SYT9: variants seen among roughly 807,000 people sequenced by gnomAD.
SYT9 encodes the protein synaptotagmin 9, also known as synaptotagmin-9.
In SYT9, 22 loss-of-function variants were observed where a neutral mutation model predicts 48.4. That is an observed-to-expected ratio of 0.45 (90% CI 0.32 to 0.65). The LOEUF (loss-of-function observed/expected upper bound fraction) is 0.65. Among genes scored for constraint, SYT9 ranks in the 30% least tolerant of loss-of-function variants. The pLI, the probability that SYT9 is intolerant of heterozygous loss-of-function variation, is 0.03. For synonymous variants in SYT9, 265 were observed against 245.0 expected, an observed-to-expected ratio of 1.08 and a Z score of -0.76; for missense variants, 577 against 622.0, an observed-to-expected ratio of 0.93 and a Z score of 0.77.
intron 5 of SYT9, among the ~76,000 whole-genome samples, chr11:7,418,845 A>C (rs1241341856): frequency 6.6e-6 from 1 of 152,264 alleles, no homozygotes; most frequent in Non-Finnish European, 1.5e-5. Context: ...ATGTTAAACC[A>C]GTCATTAGAC....
chr11:7,306,790 A>C (rs1849040288), intron 2 of SYT9, among the ~76,000 whole-genome samples: 1 of 152,106 alleles, frequency 6.6e-6, no homozygotes, highest in African/African-American at 2.4e-5. Context: ...CCTTGTTTTC[A>C]TGCCTTCACA....
chr11:7,344,238 C>T (rs1849761556), intron 3 of SYT9, among the ~76,000 whole-genome samples: 1 of 151,966 alleles, frequency 6.6e-6, no homozygotes, highest in African/African-American at 2.4e-5. Context: ...TTCCTAAATC[C>T]CCCATCTTTT....
intron 3 of SYT9, among the ~76,000 whole-genome samples, chr11:7,323,831 G>A (rs1352980589): frequency 6.6e-6 from 1 of 151,774 alleles, no homozygotes; most frequent in Non-Finnish European, 1.5e-5. Context: ...CAGCTATTTG[G>A]TTTGCTAATA....
intron 1 of SYT9, among the ~76,000 whole-genome samples, chr11:7,263,985 A>C (rs1848128039): frequency 6.6e-6 from 1 of 152,182 alleles, no homozygotes; most frequent in African/African-American, 2.4e-5. Flanking sequence ...GTAGAGGATT[A>C]AACTGCTGGA....
intron 3 of SYT9, among the ~76,000 whole-genome samples, chr11:7,356,624 T>C (rs1049296200): frequency 2.0e-5 from 3 of 152,222 alleles, no homozygotes; most frequent in Non-Finnish European, 4.4e-5. Flanking sequence ...ACATTGGAGA[T>C]AGTAACAAAA....
intron 3 of SYT9, chr11:7,314,245 T>A: frequency 4.0e-6 from 2 of 495,962 alleles, no homozygotes; most frequent in Non-Finnish European, 7.8e-6. Flanking sequence ...ACATTTTCTT[T>A]AGAGCTTTTT....
intron 1 of SYT9, among the ~76,000 whole-genome samples, chr11:7,265,496 C>G (rs1848161847): frequency 6.6e-6 from 1 of 152,118 alleles, no homozygotes; most frequent in South Asian, 2.1e-4. Context: ...CCTAAAATAC[C>G]TCTACACAGC....
chr11:7,255,596 G>A (rs1406478567), intron 1 of SYT9, among the ~76,000 whole-genome samples: 4 of 152,118 alleles, frequency 2.6e-5, no homozygotes, highest in East Asian at 3.9e-4. Context: ...GATTATGAAT[G>A]CAATTTGCAG....
Position 7,252,900 on chromosome 11 carries a change from T to C in SYT9, c.145+569T>C, listed in dbSNP as rs1277619856. Among the ~76,000 whole-genome samples the C allele has an allele frequency of 6.6e-6, 1 of 152,206 alleles. No homozygotes were observed. ...GCTTCTGGCCTTGGGCAGACGGGCC[T>C]GAACCCGTTCCCGGCGGGTCGCACG... On this transcript the variant is annotated intron_variant, in intron 1 of 6. Coordinates refer to ENST00000318881, the MANE Select transcript of SYT9 (RefSeq NM_175733.4). This position sits in a 1 kb window ranked among gnomAD's most constrained non-coding sequence, Gnocchi z 6.3.
chr11:7,444,130 T>C (rs897957354), intron 6 of SYT9: 2 of 152,174 alleles, frequency 1.3e-5, no homozygotes, highest in African/African-American at 4.8e-5. Context: ...CTCAGCCTGC[T>C]CTCTAATCCT....
At chr11:7,253,104 G>A (rs73405470) in intron 1 of SYT9, among the ~76,000 whole-genome samples, 2,097 of 152,366 alleles carry the variant, frequency 0.014, 51 homozygotes, top group African/African-American at 0.049. Flanking sequence ...TAAGGTTGGA[G>A]GAGGGAGTTT....
At chr11:7,390,231 G>A (rs751205985) in intron 3 of SYT9, among the ~76,000 whole-genome samples, 14 of 152,110 alleles carry the variant, frequency 9.2e-5, no homozygotes, top group South Asian at 2.1e-4. Flanking sequence ...GAGAACATGC[G>A]GTGTTTGGTT....
intron 1 of SYT9, among the ~76,000 whole-genome samples, chr11:7,270,536 A>C (rs543069481): frequency 1.3e-5 from 2 of 152,300 alleles, no homozygotes; most frequent in African/African-American, 4.8e-5. Context: ...CTAGAAAAAA[A>C]ATTGCATGTT....
intron 3 of SYT9, among the ~76,000 whole-genome samples, chr11:7,388,954 C>T (rs1850711382): frequency 6.6e-6 from 1 of 152,144 alleles, no homozygotes; most frequent in South Asian, 2.1e-4. Flanking sequence ...ACCACAACCA[C>T]ATCTCCCCTT....
chr11:7,361,605 TATC>T (rs1455078687), intron 3 of SYT9, among the ~76,000 whole-genome samples: 1 of 152,194 alleles, frequency 6.6e-6, no homozygotes, highest in African/African-American at 2.4e-5. Context: ...CTGCTTGGGT[TATC>T]ATTTACAGAA....
intron 1 of SYT9, among the ~76,000 whole-genome samples, chr11:7,300,362 A>C (rs761732318): frequency 1.3e-5 from 2 of 152,212 alleles, no homozygotes; most frequent in Non-Finnish European, 2.9e-5. Context: ...TGGGAGCACA[A>C]GGGACCTTTG....
chr11:7,452,593 C>A (rs776301313), intron 6 of SYT9, among the ~76,000 whole-genome samples: 75 of 152,168 alleles, frequency 4.9e-4, no homozygotes, highest in Non-Finnish European at 9.4e-4. Flanking sequence ...CGTCCCCTTC[C>A]CTTCCAGAGT....
At chr11:7,371,043 G>C (rs1355951487) in intron 3 of SYT9, among the ~76,000 whole-genome samples, 1 of 151,954 alleles carries the variant, frequency 6.6e-6, no homozygotes, top group Non-Finnish European at 1.5e-5. Context: ...ATAGACTTTT[G>C]TACTTTGTGT....
At chr11:7,345,998 TCTGA>T (rs972887615) in intron 3 of SYT9, among the ~76,000 whole-genome samples, 10 of 152,188 alleles carry the variant, frequency 6.6e-5, no homozygotes, top group Admixed American at 4.6e-4. Context: ...TCAGAGTCAC[TCTGA>T]CTGAGAGAGT....
Sources: allele counts gnomAD v4.1 joint callset (sites outside exome capture counted in the v4.1 genomes callset), GRCh38; gene constraint gnomAD v4.1.1; non-coding constraint Gnocchi (gnomAD v3.1); transcripts MANE v1.5; gene names NCBI Gene and HGNC (gene_info 2026-07-23, HGNC 2026-07-21).